Variants in FAM185A observed in about 807,000 individuals in gnomAD.
FAM185A encodes the protein protein FAM185A.
A neutral mutation model predicts 45.7 loss-of-function variants in FAM185A; 21 were observed. The observed-to-expected ratio is 0.46, with a 90% CI of 0.33 to 0.66. The LOEUF (loss-of-function observed/expected upper bound fraction) is 0.66. Ranked by LOEUF, FAM185A falls within the 30% of genes least tolerant of loss-of-function variation. The pLI is 0.03. For synonymous variants in FAM185A, 117 were observed against 194.0 expected (o/e 0.60, Z 3.30); for missense variants, 305 against 485.4 (o/e 0.63, Z 3.49).
downstream of FAM185A, chr7:102,813,619 A>C: frequency 7.6e-7 from 1 of 1,315,240 alleles, no homozygotes; most frequent in Non-Finnish European, 1.1e-6. Context: ...GAGTTAGGGA[A>C]TTCACTGTCA....
the FAM185A span, among the ~76,000 whole-genome samples, chr7:102,842,162 A>G: frequency 6.6e-6 from 1 of 152,210 alleles, no homozygotes; most frequent in Non-Finnish European, 1.5e-5. Flanking sequence ...ACCTCCCCAT[A>G]CAAGAGATTT....
At chr7:102,756,636 G>A (rs1218584067) in intron 2 of FAM185A, among the ~76,000 whole-genome samples, 2 of 151,816 alleles carry the variant, frequency 1.3e-5, no homozygotes, top group African/African-American at 4.8e-5. Context: ...CAGCCTGGGC[G>A]ACAGAGCGAG....
intron 7 of FAM185A, among the ~76,000 whole-genome samples, chr7:102,802,441 C>G (rs1796852776): frequency 6.6e-6 from 1 of 152,166 alleles, no homozygotes; most frequent in Admixed American, 6.5e-5. Context: ...CCTGAATGAT[C>G]ACTGGGTCAA....
chr7:102,831,941 G>C, the FAM185A span, among the ~76,000 whole-genome samples: 1 of 152,030 alleles, frequency 6.6e-6, no homozygotes, highest in Non-Finnish European at 1.5e-5. Context: ...TCTTTACATG[G>C]AGATATGTCC....
At chr7:102,755,103 T>C (rs1334657370) in intron 2 of FAM185A, 3 of 387,824 alleles carry the variant, frequency 7.7e-6, no homozygotes, top group African/African-American at 6.3e-5. Flanking sequence ...TGGTTAAGAG[T>C]TCTTGACTTA....
intron 1 of FAM185A, among the ~76,000 whole-genome samples, chr7:102,750,862 TC>T (rs1282112600): frequency 1.3e-5 from 2 of 152,208 alleles, no homozygotes; most frequent in Admixed American, 1.3e-4. Flanking sequence ...CAAACTTGCT[TC>T]ATATACCACT....
chr7:102,811,328 A>G (rs115965653), downstream of FAM185A, among the ~76,000 whole-genome samples: 1,899 of 152,342 alleles, frequency 0.012, 47 homozygotes, highest in African/African-American at 0.044. Context: ...AATATGAAAT[A>G]CGTAAGGGCT....
chr7:102,818,694 G>T, the FAM185A span, among the ~76,000 whole-genome samples: 4 of 152,170 alleles, frequency 2.6e-5, no homozygotes, highest in African/African-American at 7.2e-5. Context: ...GGCTCTGAAG[G>T]CCACTAAGAC....
the FAM185A span, chr7:102,816,215 A>T: frequency 2.6e-5 from 4 of 152,190 alleles, no homozygotes; most frequent in African/African-American, 9.7e-5. Context: ...AAAGGATCAG[A>T]TCTCAGACCC....
chr7:102,793,323 T>A (rs1389126463), intron 7 of FAM185A, among the ~76,000 whole-genome samples: 1 of 152,146 alleles, frequency 6.6e-6, no homozygotes, highest in Non-Finnish European at 1.5e-5. Context: ...GGGGTTCTTC[T>A]GCCTCAGCCT....
chr7:102,760,358 TC>T (rs1794039155), intron 3 of FAM185A, among the ~76,000 whole-genome samples: 1 of 152,140 alleles, frequency 6.6e-6, no homozygotes, highest in Non-Finnish European at 1.5e-5. Context: ...AAATTTAAAT[TC>T]CTTCCATTTA....
the FAM185A span, among the ~76,000 whole-genome samples, chr7:102,840,727 G>A: frequency 2.8e-4 from 42 of 152,130 alleles, no homozygotes; most frequent in African/African-American, 1.0e-3. Flanking sequence ...TACCAGTCTA[G>A]TGGAAAAAAA....
intron 7 of FAM185A, among the ~76,000 whole-genome samples, chr7:102,796,692 G>T (rs942275836): frequency 6.6e-6 from 1 of 152,162 alleles, no homozygotes; most frequent in African/African-American, 2.4e-5. Flanking sequence ...CATCAGACAT[G>T]CAAAGAGCAA....
intron 5 of FAM185A, among the ~76,000 whole-genome samples, chr7:102,773,021 G>T (rs1562856434): frequency 6.6e-6 from 1 of 151,282 alleles, no homozygotes; most frequent in Non-Finnish European, 1.5e-5. Context: ...GTACAATGAA[G>T]AAATAAGAAA....
chr7:102,815,548 A>G, the FAM185A span, among the ~76,000 whole-genome samples: 1 of 152,136 alleles, frequency 6.6e-6, no homozygotes, highest in Admixed American at 6.5e-5. Flanking sequence ...CTGGACACAC[A>G]CTGCAGTTCA....
intron 7 of FAM185A, among the ~76,000 whole-genome samples, chr7:102,799,077 A>AACTC (rs2129443607): frequency 6.6e-6 from 1 of 152,322 alleles, no homozygotes; most frequent in Non-Finnish European, 1.5e-5. Flanking sequence ...TAGAAAAAGA[A>AACTC]ACTCTGTATT....
chr7:102,787,398 T>G lies in FAM185A; in HGVS notation c.995T>G (p.Val332Gly), dbSNP rs191114116. Residue 332 changes from valine to glycine, a missense_variant, in exon 7 of 8, where the codon GTT becomes GGT. Around this residue, in one of 5 missense-constraint regions of FAM185A, gnomAD observed 66 missense variants for 74.6 expected, o/e 0.89. Coordinates refer to ENST00000413034, the MANE Select transcript of FAM185A (RefSeq NM_001145268.2). ...QAHLQLSGKE[V>G]DVNSEVHVQE... is the part of the protein sequence containing the mutation. ...CATTTACAGTTATCAGGGAAAGAGG[T>G]TGATGTGAACTCAGAAGTCCATGTT... 3 of 1,535,366 alleles carry G rather than the reference T, an allele frequency of 2.0e-6. No homozygotes were observed. Among genetic ancestry groups the G allele is most frequent in the Non-Finnish European group, 2.6e-6 (3 of 1,135,732 alleles).
chr7:102,835,897 C>G, the FAM185A span, among the ~76,000 whole-genome samples: 1 of 152,244 alleles, frequency 6.6e-6, no homozygotes, highest in Middle Eastern at 3.4e-3. Flanking sequence ...GCGTGAGCCA[C>G]CGCGCCCGGC....
At chr7:102,761,618 G>A (rs1399041501) in intron 4 of FAM185A, among the ~76,000 whole-genome samples, 1 of 150,692 alleles carries the variant, frequency 6.6e-6, no homozygotes, top group Non-Finnish European at 1.5e-5. Flanking sequence ...TAAAGATTAT[G>A]CTGTTATATA....
Sources: allele counts gnomAD v4.1 joint callset (sites outside exome capture counted in the v4.1 genomes callset), GRCh38; gene constraint gnomAD v4.1.1; regional missense constraint gnomAD v4.1.1; transcripts MANE v1.5; gene names NCBI Gene and HGNC (gene_info 2026-07-23, HGNC 2026-07-21).